The following PIGN variants were observed in gnomAD, a reference collection of about 807,000 sequenced individuals.
The protein encoded by PIGN is GPI ethanolamine phosphate transferase 1.
In PIGN, 117 loss-of-function variants were observed where a neutral mutation model predicts 125.4. The observed-to-expected ratio is 0.93, with a 90% CI of 0.80 to 1.09. The LOEUF (loss-of-function observed/expected upper bound fraction) is 1.09. Among genes scored for constraint, PIGN ranks in the 50% least tolerant of loss-of-function variants. The pLI, the probability that PIGN is intolerant of heterozygous loss-of-function variation, is 0.00. For synonymous variants in PIGN, 392 were observed against 377.8 expected (o/e 1.04, Z -0.44); for missense variants, 1,075 against 1,094.9 (o/e 0.98, Z 0.26).
At chr18:62,153,751 C>A (rs2036620774) in intron 7 of PIGN, 1 of 151,806 alleles carries the variant, frequency 6.6e-6, no homozygotes, top group African/African-American at 2.4e-5. Flanking sequence ...TAAGCAAATA[C>A]AAAGAAAAAG....
chr18:62,036,792 C>G (rs1051552347), downstream of PIGN, among the ~76,000 whole-genome samples: 10 of 152,186 alleles, frequency 6.6e-5, no homozygotes, highest in African/African-American at 2.2e-4. Context: ...AACCTGCCAT[C>G]ATGTCTGGCC....
intron 17 of PIGN, 54 bp downstream of exon 17, chr18:62,109,780 C>A: frequency 6.8e-7 from 1 of 1,480,508 alleles, no homozygotes; most frequent in Admixed American, 2.0e-5. Flanking sequence ...ATTTTAAATA[C>A]AGATTTAACT....
intron 23 of PIGN, among the ~76,000 whole-genome samples, chr18:62,091,204 C>A (rs569905307): frequency 1.3e-5 from 2 of 151,970 alleles, no homozygotes; most frequent in African/African-American, 4.8e-5. Flanking sequence ...AAAAATTAGC[C>A]GGGTGTGGTG....
chr18:62,186,016 C>T (rs2037955897), intron 1 of PIGN, among the ~76,000 whole-genome samples: 1 of 149,542 alleles, frequency 6.7e-6, no homozygotes, highest in African/African-American at 2.5e-5. Flanking sequence ...ATGTTAATTC[C>T]TTTGACTCCT....
intron 14 of PIGN, among the ~76,000 whole-genome samples, chr18:62,125,952 A>G (rs2035519915): frequency 1.3e-5 from 2 of 152,112 alleles, no homozygotes; most frequent in Non-Finnish European, 1.5e-5. Context: ...GAAATACAGT[A>G]AGTTACAAAA....
chr18:62,038,169 T>A (rs1043366909), downstream of PIGN, among the ~76,000 whole-genome samples: 1 of 152,198 alleles, frequency 6.6e-6, no homozygotes, highest in Admixed American at 6.5e-5. Context: ...TCAGTTTTCA[T>A]GGAACCATTC....
intron 12 of PIGN, among the ~76,000 whole-genome samples, chr18:62,139,722 A>G (rs2036067802): frequency 6.6e-6 from 1 of 152,212 alleles, no homozygotes; most frequent in Admixed American, 6.5e-5. Context: ...GGACCTGCTG[A>G]TTACAACCCA....
At chr18:62,126,358 T>C (rs748071819) in intron 14 of PIGN, among the ~76,000 whole-genome samples, 8 of 152,088 alleles carry the variant, frequency 5.3e-5, no homozygotes, top group Non-Finnish European at 1.2e-4. Flanking sequence ...AACTGACAAG[T>C]TTATGTCATT....
At chr18:62,023,819 A>T (rs1424765028) in intron 23 of PIGN, among the ~76,000 whole-genome samples, 1 of 152,214 alleles carries the variant, frequency 6.6e-6, no homozygotes, top group African/African-American at 2.4e-5. Flanking sequence ...GATAGACTGA[A>T]AGTTGTATGA....
intron 1 of PIGN, among the ~76,000 whole-genome samples, chr18:62,182,084 T>A (rs2037737756): frequency 6.6e-6 from 1 of 152,176 alleles, no homozygotes; most frequent in Non-Finnish European, 1.5e-5. Flanking sequence ...ACTGCTTTCA[T>A]TTTTCACCTA....
chr18:62,062,114 C>T (rs1035629138), intron 30 of PIGN, among the ~76,000 whole-genome samples: 2 of 152,152 alleles, frequency 1.3e-5, no homozygotes, highest in Non-Finnish European at 2.9e-5. Flanking sequence ...CACATTGCAG[C>T]ATCAATCAGG....
chr18:62,166,382 C>T (rs562757568), intron 1 of PIGN, among the ~76,000 whole-genome samples: 39 of 152,158 alleles, frequency 2.6e-4, no homozygotes, highest in Non-Finnish European at 4.9e-4. Flanking sequence ...AACAAACATA[C>T]ATTCTGTAGC....
chr18:62,021,004 C>T (rs1568102417), intron 23 of PIGN, among the ~76,000 whole-genome samples: 1 of 151,464 alleles, frequency 6.6e-6, no homozygotes, highest in Non-Finnish European at 1.5e-5. Context: ...ATATCAAGGG[C>T]TGACAGGGAT....
At position 62,140,121 on chromosome 18, in the gene PIGN, C is replaced by T. The variant is rs186888667; in HGVS notation, c.1023+299G>A. 4.5e-4 allele frequency among the ~76,000 whole-genome samples: 69 copies of T among 152,172 alleles called. 2 individuals are homozygous for T. The highest frequency in any genetic ancestry group is 1.2e-3 in the South Asian group (6 of 4,822). On this transcript the variant is annotated intron_variant, in intron 12 of 30. Transcript: ENST00000640252. Reference sequence around the variant, plus strand: ...GTTCCATGTTATAGAATATAATACACAAGCAATCATGAGGTATTGCATATT... The same window carrying T: ...GTTCCATGTTATAGAATATAATACATAAGCAATCATGAGGTATTGCATATT...
At chr18:62,163,845 G>T (rs1162295735) in intron 1 of PIGN, among the ~76,000 whole-genome samples, 189 bp from the exon 2 acceptor site, 1 of 152,134 alleles carries the variant, frequency 6.6e-6, no homozygotes, top group Non-Finnish European at 1.5e-5. Flanking sequence ...ATTCGCCCCT[G>T]TCCTAACCCT....
chr18:62,121,472 T>G (rs116663532), intron 14 of PIGN, among the ~76,000 whole-genome samples: 91 of 152,324 alleles, frequency 6.0e-4, no homozygotes, highest in African/African-American at 2.1e-3. Flanking sequence ...ATACATGAAT[T>G]AACACATAAA....
chr18:62,181,663 C>T (rs987089330), intron 1 of PIGN, among the ~76,000 whole-genome samples: 3 of 152,230 alleles, frequency 2.0e-5, no homozygotes, highest in East Asian at 3.9e-4. Context: ...CTACTCACCT[C>T]GGCCTCCTAA....
intron 30 of PIGN, among the ~76,000 whole-genome samples, chr18:62,059,668 A>C (rs909300406): frequency 1.3e-5 from 2 of 152,206 alleles, no homozygotes; most frequent in African/African-American, 4.8e-5. Context: ...ACAGATTGTG[A>C]ACAGGTAGAG....
intron 28 of PIGN, among the ~76,000 whole-genome samples, chr18:62,081,568 C>T (rs914094587): frequency 5.3e-5 from 8 of 152,076 alleles, no homozygotes; most frequent in Non-Finnish European, 7.4e-5. Context: ...ACTATAGACA[C>T]GCACAAATAT....
Sources: gnomAD v4.1 joint callset for allele counts (sites outside exome capture counted in the v4.1 genomes callset) on GRCh38, gnomAD v4.1.1 for gene constraint, MANE v1.5 for transcripts, NCBI Gene and HGNC (gene_info 2026-07-23, HGNC 2026-07-21) for gene names.